The following ME3 variants were observed in gnomAD, a reference collection of about 807,000 sequenced individuals.
The protein encoded by ME3 is NADP-dependent malic enzyme, mitochondrial.
In ME3, 48 loss-of-function variants were observed where a neutral mutation model predicts 68.9. The observed-to-expected ratio is 0.70, with a 90% CI of 0.55 to 0.89. The LOEUF is 0.89. Ranked by LOEUF, ME3 falls within the 40% of genes least tolerant of loss-of-function variation. ME3 has a pLI of 0.00. For synonymous variants in ME3, 320 were observed against 318.8 expected (o/e 1.00, Z -0.04); for missense variants, 675 against 797.4 (o/e 0.85, Z 1.85).
At chr11:86,538,216 A>G (rs1263439596) in intron 4 of ME3, among the ~76,000 whole-genome samples, 1 of 152,188 alleles carries the variant, frequency 6.6e-6, no homozygotes, top group Non-Finnish European at 1.5e-5. Flanking sequence ...TTAACAATAT[A>G]GGATTGAGGG....
At chr11:86,614,732 C>T (rs1312380876) in intron 2 of ME3, among the ~76,000 whole-genome samples, 1 of 152,106 alleles carries the variant, frequency 6.6e-6, no homozygotes, top group East Asian at 1.9e-4. Flanking sequence ...CTTGATTTGC[C>T]AAACACTTCC....
intron 4 of ME3, among the ~76,000 whole-genome samples, chr11:86,547,201 GCA>G (rs34557852): frequency 0.34 from 45,840 of 136,594 alleles, 7,706 homozygotes; most frequent in African/African-American, 0.43. Flanking sequence ...TCATGCCACT[GCA>G]CACTCCAGCC....
chr11:86,616,802 T>A (rs1378557992), intron 2 of ME3, among the ~76,000 whole-genome samples: 2 of 152,150 alleles, frequency 1.3e-5, no homozygotes, highest in East Asian at 3.8e-4. Context: ...AAATGTAATG[T>A]GGTACCTTGG....
chr11:86,445,228 G>C (rs1235060564), intron 13 of ME3, among the ~76,000 whole-genome samples: 1 of 152,240 alleles, frequency 6.6e-6, no homozygotes, highest in East Asian at 1.9e-4. Context: ...AAGAGGAACA[G>C]AGAACTGTAA....
chr11:86,460,111 C>T (rs1322823791), intron 8 of ME3, among the ~76,000 whole-genome samples: 1 of 152,230 alleles, frequency 6.6e-6, no homozygotes, highest in Non-Finnish European at 1.5e-5. Flanking sequence ...AGCAGAGATG[C>T]TTCTCTGGTC....
intron 4 of ME3, among the ~76,000 whole-genome samples, chr11:86,554,142 C>T (rs1266566986): frequency 2.0e-5 from 3 of 152,204 alleles, no homozygotes; most frequent in East Asian, 1.9e-4. Context: ...TCTACTTTTA[C>T]AAGCCTGTTG....
intron 2 of ME3, among the ~76,000 whole-genome samples, chr11:86,568,078 G>C (rs1379238832): frequency 6.6e-6 from 1 of 152,154 alleles, no homozygotes; most frequent in South Asian, 2.1e-4. Context: ...TAGAGTTACA[G>C]ATTATATTAT....
At chr11:86,622,572 ACT>A (rs1304570328) in intron 2 of ME3, among the ~76,000 whole-genome samples, 1 of 152,016 alleles carries the variant, frequency 6.6e-6, no homozygotes, top group Non-Finnish European at 1.5e-5. Flanking sequence ...ACTGAAAAAC[ACT>A]GAGACAATAT....
chr11:86,568,990 ATTAAAT>A, intron 2 of ME3, among the ~76,000 whole-genome samples: 1 of 152,226 alleles, frequency 6.6e-6, no homozygotes, highest in East Asian at 1.9e-4. Context: ...TCTCCCACTT[ATTAAAT>A]GAAGTGCTGC....
intron 8 of ME3, among the ~76,000 whole-genome samples, chr11:86,459,032 C>T (rs1256449112): frequency 2.0e-5 from 3 of 152,210 alleles, no homozygotes; most frequent in African/African-American, 7.2e-5. Context: ...AGTGTCACTC[C>T]CAGATCCTGG....
chr11:86,437,232 T>A (rs767549204), downstream of ME3: 1 of 152,190 alleles, frequency 6.6e-6, no homozygotes, highest in Non-Finnish European at 1.5e-5. Flanking sequence ...GCAAAACACA[T>A]GATTTTATTC....
At chr11:86,475,874 T>TAG (rs1555206746) in intron 7 of ME3, among the ~76,000 whole-genome samples, 1,903 of 91,372 alleles carry the variant, frequency 0.021, 22 homozygotes, top group East Asian at 0.062. Flanking sequence ...TATATATATA[T>TAG]AGAGAGAGAG....
intron 3 of ME3, among the ~76,000 whole-genome samples, chr11:86,558,126 A>G (rs1957023720): frequency 6.6e-6 from 1 of 152,208 alleles, no homozygotes; most frequent in South Asian, 2.1e-4. Context: ...CAGGCCTATG[A>G]GTGAGGCCCA....
chr11:86,567,153 G>T (rs1211509803), intron 2 of ME3, among the ~76,000 whole-genome samples: 1 of 151,920 alleles, frequency 6.6e-6, no homozygotes, highest in Non-Finnish European at 1.5e-5. Context: ...GGAGGCGGAG[G>T]TTGCAGTGAG....
chr11:86,464,464 A>T (rs751779254), intron 8 of ME3, among the ~76,000 whole-genome samples: 1 of 152,152 alleles, frequency 6.6e-6, no homozygotes, highest in Non-Finnish European at 1.5e-5. Context: ...AAGCTGCTTC[A>T]TGTTGGCTTT....
At chr11:86,621,589 TTCTC>T (rs1306898572) in intron 2 of ME3, among the ~76,000 whole-genome samples, 2 of 152,044 alleles carry the variant, frequency 1.3e-5, no homozygotes, top group Non-Finnish European at 2.9e-5. Flanking sequence ...TTTCCTTCCT[TTCTC>T]TTTCTTTCCT....
intron 8 of ME3, chr11:86,457,780 A>T (rs1950021829): frequency 7.9e-7 from 1 of 1,262,770 alleles, no homozygotes; most frequent in South Asian, 1.3e-5. Context: ...TAAAAGAAAA[A>T]GAAGTTTTTT....
intron 2 of ME3, among the ~76,000 whole-genome samples, chr11:86,616,260 T>C (rs1486871542): frequency 1.3e-5 from 2 of 152,246 alleles, no homozygotes; most frequent in Non-Finnish European, 2.9e-5. Context: ...TAAATAATTG[T>C]AAAGAGATTT....
At chr11:86,553,977 G>T (rs1049770747) in intron 4 of ME3, among the ~76,000 whole-genome samples, 3 of 152,184 alleles carry the variant, frequency 2.0e-5, no homozygotes, top group Non-Finnish European at 2.9e-5. Context: ...GTGACTTTGG[G>T]TAAGTTATTT....
Sources: gnomAD v4.1 joint callset for allele counts (sites outside exome capture counted in the v4.1 genomes callset) on GRCh38, gnomAD v4.1.1 for gene constraint, MANE v1.5 for transcripts, NCBI Gene and HGNC (gene_info 2026-07-23, HGNC 2026-07-21) for gene names.